The following CACNB2 variants were observed in gnomAD, a reference collection of about 807,000 sequenced individuals.
The protein encoded by CACNB2 is voltage-dependent L-type calcium channel subunit beta-2.
In CACNB2, 42 loss-of-function variants were observed where a neutral mutation model predicts 73.3. That is an observed-to-expected ratio of 0.57 (90% CI 0.45 to 0.74). CACNB2 has a LOEUF of 0.74. Ranked by LOEUF, CACNB2 falls within the 30% of genes least tolerant of loss-of-function variation. The pLI is 0.00. For missense variants in CACNB2, 940 were observed against 853.0 expected (o/e 1.10, Z -1.27); for synonymous variants, 348 against 310.3 (o/e 1.12, Z -1.28).
intron 2 of CACNB2, among the ~76,000 whole-genome samples, chr10:18,401,369 A>G (rs1410636682): frequency 6.6e-6 from 1 of 152,212 alleles, no homozygotes; most frequent in Admixed American, 6.5e-5. Flanking sequence ...TTGCTGGAAG[A>G]TGGAGTGAAG....
chr10:18,438,837 T>C (rs1187166828), intron 3 of CACNB2, among the ~76,000 whole-genome samples: 1 of 152,262 alleles, frequency 6.6e-6, no homozygotes, highest in Non-Finnish European at 1.5e-5. Flanking sequence ...AGTCCTCATG[T>C]GACATGTTTT....
intron 5 of CACNB2, among the ~76,000 whole-genome samples, chr10:18,502,685 A>C (rs1338759434): frequency 6.8e-5 from 6 of 87,930 alleles, no homozygotes; most frequent in Non-Finnish European, 1.3e-4. Flanking sequence ...GCAAGACTCC[A>C]TCTCAAAAAA....
chr10:18,401,181 G>A (rs2043976916), intron 2 of CACNB2: 5 of 1,549,690 alleles, frequency 3.2e-6, no homozygotes, highest in Non-Finnish European at 4.4e-6. Context: ...CAGGTAGAGA[G>A]GGTGGTTTGA....
intron 3 of CACNB2, among the ~76,000 whole-genome samples, chr10:18,481,372 G>C (rs1355000101): frequency 6.8e-6 from 1 of 146,314 alleles, no homozygotes; most frequent in Non-Finnish European, 1.5e-5. Flanking sequence ...TTAGCCTTCC[G>C]AGTAGCTGGG....
At chr10:18,406,599 G>T (rs536985539) in intron 3 of CACNB2, among the ~76,000 whole-genome samples, 1 of 152,160 alleles carries the variant, frequency 6.6e-6, no homozygotes, top group Non-Finnish European at 1.5e-5. Context: ...CATCACCCCT[G>T]GATGGGACCA....
intron 2 of CACNB2, chr10:18,340,668 A>T (rs2041194088): frequency 2.2e-6 from 3 of 1,380,572 alleles, no homozygotes; most frequent in South Asian, 1.6e-5. Context: ...AGACCCTCCC[A>T]CTTGCGTTTG....
intron 2 of CACNB2, among the ~76,000 whole-genome samples, chr10:18,235,713 G>A (rs1016158972): frequency 6.6e-6 from 1 of 152,152 alleles, no homozygotes; most frequent in Non-Finnish European, 1.5e-5. Flanking sequence ...CTGCCTCAGA[G>A]CTGCCCTAGA....
intron 3 of CACNB2, among the ~76,000 whole-genome samples, chr10:18,497,213 A>G (rs1209133803): frequency 6.6e-6 from 1 of 151,354 alleles, no homozygotes; most frequent in African/African-American, 2.4e-5. Flanking sequence ...CTCTGTAAAA[A>G]AAAAAAAAAA....
chr10:18,428,558 C>T (rs889825895), intron 3 of CACNB2, among the ~76,000 whole-genome samples: 2 of 151,988 alleles, frequency 1.3e-5, no homozygotes, highest in Admixed American at 1.3e-4. Context: ...TGGTGGCGGA[C>T]ACCTGTAATC....
intron 1 of CACNB2, among the ~76,000 whole-genome samples, chr10:18,143,148 G>A (rs1222125299): frequency 6.6e-6 from 1 of 152,206 alleles, no homozygotes; most frequent in Admixed American, 6.5e-5. Flanking sequence ...ACATCTTGGG[G>A]ACTTGGAATC....
intron 2 of CACNB2, among the ~76,000 whole-genome samples, chr10:18,383,804 C>G (rs1352611913): frequency 6.6e-6 from 1 of 152,142 alleles, no homozygotes; most frequent in Non-Finnish European, 1.5e-5. Context: ...TTCCCGGATT[C>G]AAGCGATTCT....
At chr10:18,260,926 T>G (rs2037507242) in intron 2 of CACNB2, 102 of 1,161,854 alleles carry the variant, frequency 8.8e-5, no homozygotes, top group Non-Finnish European at 1.1e-4. Context: ...ACCAAGAAAC[T>G]CTGACGATCT....
rs551543429 is a variant in CACNB2 at position 18,426,955 on chromosome 10, A to ATTTT, written c.333+24926_333+24929dup. Among the ~76,000 whole-genome samples, 18 of 81,652 alleles carry ATTTT rather than the reference A, an allele frequency of 2.2e-4. 2 individuals are homozygous for ATTTT. Among genetic ancestry groups the ATTTT allele is most frequent in the African/African-American group, 8.1e-4 (15 of 18,478 alleles). 53.6% of individuals were successfully genotyped at this position (81,652 alleles called of 152,430 possible). On this transcript the variant is annotated intron_variant, in intron 3 of 13. Transcript: ENST00000324631. ...ATTTTATCAAATGTCCCTTTTCTAC[A>ATTTT]TTTTTTTTTTTTTTTTTGAGACTGA... is the stretch of plus-strand genomic sequence containing the variant.
intron 2 of CACNB2, among the ~76,000 whole-genome samples, chr10:18,205,176 C>T (rs2035039521): frequency 2.0e-5 from 3 of 151,982 alleles, no homozygotes; most frequent in African/African-American, 7.3e-5. Context: ...GTTATCTGTC[C>T]AGTGGTTAGA....
At chr10:18,466,679 G>A (rs2047906179) in intron 3 of CACNB2, among the ~76,000 whole-genome samples, 1 of 152,152 alleles carries the variant, frequency 6.6e-6, no homozygotes, top group South Asian at 2.1e-4. Flanking sequence ...AGGAATAAGA[G>A]ATTCACACTT....
intron 2 of CACNB2, among the ~76,000 whole-genome samples, chr10:18,210,953 T>C (rs1390003229): frequency 6.6e-6 from 1 of 152,196 alleles, no homozygotes; most frequent in Non-Finnish European, 1.5e-5. Flanking sequence ...TTCTCAGCCT[T>C]TGTAAATTCC....
intron 2 of CACNB2, among the ~76,000 whole-genome samples, chr10:18,356,950 T>TTTTTTTC (rs2041942069): frequency 8.0e-6 from 1 of 124,666 alleles, no homozygotes; most frequent in African/African-American, 2.9e-5. Context: ...TTCTTTTTTT[T>TTTTTTTC]TTTTTTTTTT....
intron 2 of CACNB2, among the ~76,000 whole-genome samples, chr10:18,280,512 G>A (rs2038497333): frequency 6.6e-6 from 1 of 152,044 alleles, no homozygotes; most frequent in African/African-American, 2.4e-5. Flanking sequence ...ATTATAAAAA[G>A]GTACTCTCTT....
chr10:18,270,123 C>T (rs2131638147), intron 2 of CACNB2, among the ~76,000 whole-genome samples: 1 of 152,254 alleles, frequency 6.6e-6, no homozygotes, highest in Admixed American at 6.5e-5. Context: ...CCTCAGGAAA[C>T]TTACAGTCAT....
Sources: allele counts gnomAD v4.1 joint callset (sites outside exome capture counted in the v4.1 genomes callset), GRCh38; gene constraint gnomAD v4.1.1; transcripts MANE v1.5; gene names NCBI Gene and HGNC (gene_info 2026-07-23, HGNC 2026-07-21).